Variants in TMEM108 observed in about 807,000 individuals in gnomAD.
TMEM108 encodes the protein cancer/testis antigen 124.
In TMEM108, 12 loss-of-function variants were observed where a neutral mutation model predicts 35.1. That is an observed-to-expected ratio of 0.34 (90% CI 0.22 to 0.55). TMEM108 has a LOEUF of 0.55. Among genes scored for constraint, TMEM108 ranks in the 20% least tolerant of loss-of-function variants. The pLI, the probability that TMEM108 is intolerant of heterozygous loss-of-function variation, is 0.89. For synonymous variants in TMEM108, 287 were observed against 308.6 expected, an observed-to-expected ratio of 0.93 and a Z score of 0.73; for missense variants, 680 against 753.3, an observed-to-expected ratio of 0.90 and a Z score of 1.14.
chr3:133,048,717 T>A (rs1451966436), intron 2 of TMEM108, among the ~76,000 whole-genome samples: 1 of 152,234 alleles, frequency 6.6e-6, no homozygotes. Context: ...ATGTATAGCC[T>A]TGTTTATTTG....
intron 2 of TMEM108, among the ~76,000 whole-genome samples, chr3:133,194,276 A>G (rs1353928447): frequency 6.6e-6 from 1 of 152,030 alleles, no homozygotes; most frequent in Admixed American, 6.6e-5. Flanking sequence ...ACTTAATTTA[A>G]CCTTATCTTT....
At chr3:133,373,053 A>T (rs1229647432) in intron 3 of TMEM108, among the ~76,000 whole-genome samples, 1 of 152,188 alleles carries the variant, frequency 6.6e-6, no homozygotes, top group Non-Finnish European at 1.5e-5. Context: ...ATACTAGAAC[A>T]CTGGAACCAC....
At chr3:133,059,883 C>T (rs1465075626) in intron 2 of TMEM108, among the ~76,000 whole-genome samples, 3 of 152,084 alleles carry the variant, frequency 2.0e-5, no homozygotes, top group African/African-American at 7.2e-5. Flanking sequence ...CCTTTTTCTC[C>T]CTGTAGACCA....
intron 2 of TMEM108, among the ~76,000 whole-genome samples, chr3:133,122,186 TGACTC>T (rs909488511): frequency 1.3e-5 from 2 of 152,100 alleles, no homozygotes. Context: ...AAAAAAAAGA[TGACTC>T]AAGCATTAGG....
intron 2 of TMEM108, among the ~76,000 whole-genome samples, chr3:133,075,723 C>G (rs1424092943): frequency 6.6e-6 from 1 of 152,086 alleles, no homozygotes; most frequent in Admixed American, 6.5e-5. Context: ...TTTGATCTGC[C>G]TTTCCTGGGA....
intron 3 of TMEM108, among the ~76,000 whole-genome samples, chr3:133,354,191 A>G (rs966172210): frequency 6.6e-6 from 1 of 152,172 alleles, no homozygotes; most frequent in Non-Finnish European, 1.5e-5. Context: ...GCCTTTTTGA[A>G]AAAATGAAAG....
intron 2 of TMEM108, among the ~76,000 whole-genome samples, chr3:133,102,883 A>G (rs1944105616): frequency 2.0e-5 from 3 of 152,168 alleles, no homozygotes; most frequent in Admixed American, 2.0e-4. Context: ...CAAACCCCCA[A>G]TGAGATACCA....
intron 2 of TMEM108, among the ~76,000 whole-genome samples, chr3:133,152,324 CTTTG>C (rs1944814118): frequency 6.6e-6 from 1 of 152,174 alleles, no homozygotes; most frequent in African/African-American, 2.4e-5. Context: ...ATATCTGTTT[CTTTG>C]TTTGCTAGTG....
At chr3:133,356,699 T>G (rs1401288158) in intron 3 of TMEM108, among the ~76,000 whole-genome samples, 1 of 151,840 alleles carries the variant, frequency 6.6e-6, no homozygotes. Flanking sequence ...CTACAAACCA[T>G]GCAAAAACAT....
At chr3:133,282,361 GT>G (rs1194280943) in intron 3 of TMEM108, among the ~76,000 whole-genome samples, 3 of 152,128 alleles carry the variant, frequency 2.0e-5, no homozygotes, top group Non-Finnish European at 4.4e-5. Context: ...TCCTTCCCAG[GT>G]TTTCCTAGTT....
intron 3 of TMEM108, among the ~76,000 whole-genome samples, chr3:133,370,647 C>A (rs903614355): frequency 7.9e-5 from 12 of 152,238 alleles, no homozygotes; most frequent in African/African-American, 2.9e-4. Context: ...TTTATTTTAT[C>A]AGAGGCTGAG....
At chr3:133,335,039 T>G (rs2071465901) in intron 3 of TMEM108, among the ~76,000 whole-genome samples, 1 of 152,110 alleles carries the variant, frequency 6.6e-6, no homozygotes, top group Non-Finnish European at 1.5e-5. Flanking sequence ...ATTAGAGAAA[T>G]GTAATTATGG....
At chr3:133,289,245 C>T (rs1947028397) in intron 3 of TMEM108, among the ~76,000 whole-genome samples, 1 of 152,002 alleles carries the variant, frequency 6.6e-6, no homozygotes, top group Non-Finnish European at 1.5e-5. Flanking sequence ...GAAATTTCTC[C>T]ATAATAAAAA....
At chr3:133,214,451 CT>C (rs1945877055) in intron 2 of TMEM108, among the ~76,000 whole-genome samples, 1 of 152,110 alleles carries the variant, frequency 6.6e-6, no homozygotes, top group African/African-American at 2.4e-5. Flanking sequence ...CCTTCCTAGT[CT>C]TTTATTTTCC....
chr3:133,054,408 G>A lies in TMEM108; in HGVS notation c.-47+8388G>A, dbSNP rs543753843. Among the ~76,000 whole-genome samples the A allele has an allele frequency of 2.5e-4, 38 of 152,254 alleles. 1 individual carries two copies. Among genetic ancestry groups the A allele is most frequent in the African/African-American group, 8.9e-4 (37 of 41,552 alleles). ...TCAAATTTGATTCTTATGGCCACCTGTGTGTTGCACAGGAATAATGGCTAG... is the reference window on the plus strand; with the variant it reads ...TCAAATTTGATTCTTATGGCCACCTATGTGTTGCACAGGAATAATGGCTAG... On this transcript the variant is annotated intron_variant, in intron 2 of 5. Transcript: ENST00000321871.
At chr3:133,146,322 C>T (rs2370046) in intron 2 of TMEM108, among the ~76,000 whole-genome samples, 101,918 of 152,074 alleles carry the variant, frequency 0.67, 34,540 homozygotes, top group African/African-American at 0.75. Context: ...GCTGACTTGA[C>T]TGTGGTGGAT....
At chr3:133,285,477 G>A (rs997226560) in intron 3 of TMEM108, among the ~76,000 whole-genome samples, 3 of 152,164 alleles carry the variant, frequency 2.0e-5, no homozygotes, top group Non-Finnish European at 2.9e-5. Context: ...TTTAAATGGT[G>A]TTTTGAAGCT....
intron 2 of TMEM108, among the ~76,000 whole-genome samples, chr3:133,146,306 G>C (rs1944719260): frequency 6.6e-6 from 1 of 152,210 alleles, no homozygotes. Context: ...GCATCCCTGG[G>C]ATGAAGCTGA....
chr3:133,326,555 C>T (rs1253087009), intron 3 of TMEM108, among the ~76,000 whole-genome samples: 2 of 152,208 alleles, frequency 1.3e-5, no homozygotes, highest in East Asian at 1.9e-4. Flanking sequence ...GGATTCTTCC[C>T]GAGAATCTGG....
Sources: gnomAD v4.1 joint callset for allele counts (sites outside exome capture counted in the v4.1 genomes callset) on GRCh38, gnomAD v4.1.1 for gene constraint, MANE v1.5 for transcripts, NCBI Gene and HGNC (gene_info 2026-07-23, HGNC 2026-07-21) for gene names.